The following MGRN1 variants were observed in gnomAD, a reference collection of about 807,000 sequenced individuals.
The protein encoded by MGRN1 is E3 ubiquitin-protein ligase MGRN1.
In MGRN1, 29 loss-of-function variants were observed where a neutral mutation model predicts 69.2. The ratio of observed to expected loss-of-function variants is 0.42; its 90% CI spans 0.31 to 0.57. The LOEUF (loss-of-function observed/expected upper bound fraction) is 0.57, where lower values mean the gene tolerates loss of function less well. Ranked by LOEUF, MGRN1 falls within the 20% of genes least tolerant of loss-of-function variation. The pLI, the probability that MGRN1 is intolerant of heterozygous loss-of-function variation, is 0.15. For synonymous variants in MGRN1, 470 were observed against 344.2 expected, an observed-to-expected ratio of 1.37 and a Z score of -4.04; for missense variants, 998 against 796.2, an observed-to-expected ratio of 1.25 and a Z score of -3.05.
At position 4,683,243 on chromosome 16, in the gene MGRN1, T is replaced by C; in HGVS notation, c.1502T>C (p.Val501Ala). The change falls in exon 15 of 17, where the codon GTT becomes GCT. Residue 501 changes from valine (V) to alanine (A), a missense_variant. Coordinates refer to ENST00000262370, the MANE Select transcript of MGRN1 (RefSeq NM_015246.4). The stretch of plus-strand genomic sequence containing the variant: ...TCCTAGAGTTTCATAACAGAAGAGG[T>C]TGATGAGTCGTCGTCACCACAGCAA... ...SSPESFITEE[V>A]DESSSPQQGT... is the part of the protein sequence containing the mutation. The C allele has an allele frequency of 6.2e-7, 1 of 1,613,706 alleles. No homozygotes were observed. Among genetic ancestry groups the C allele is most frequent in the Non-Finnish European group, 8.5e-7 (1 of 1,179,946 alleles).
intron 7 of MGRN1, among the ~76,000 whole-genome samples, chr16:4,667,141 G>A (rs1414166868): frequency 3.3e-5 from 5 of 152,322 alleles, no homozygotes; most frequent in East Asian, 1.9e-4. Flanking sequence ...CGGGCTTCAC[G>A]CTGCCTCTGG....
In MGRN1 at chr16:4,629,923, G is replaced by A. The variant is rs571315553; in HGVS notation, c.88+4875G>A. On this transcript the variant is annotated intron_variant, in intron 1 of 16. Transcript: ENST00000262370. Reference sequence around the variant, plus strand: ...GAGCTGGACGCAATGGCGCACGCCCGTAATCCCAGCTACTCAGGAGGCTGA... The same window carrying A: ...GAGCTGGACGCAATGGCGCACGCCCATAATCCCAGCTACTCAGGAGGCTGA... 2.6e-5 allele frequency among the ~76,000 whole-genome samples: 4 copies of A among 151,612 alleles called. No individual in the cohort carries two copies. The East Asian group carries it at 5.8e-4, about 22-fold the overall frequency.
intron 1 of MGRN1, among the ~76,000 whole-genome samples, chr16:4,627,583 G>C (rs58195453): frequency 0.024 from 3,566 of 147,224 alleles, 163 homozygotes; most frequent in African/African-American, 0.085. Context: ...GTCAGGAGAT[G>C]GAGACCATCC....
intron 16 of MGRN1, chr16:4,687,077 C>T (rs1596322407): frequency 1.0e-6 from 1 of 985,536 alleles, no homozygotes; most frequent in Non-Finnish European, 1.2e-6. Flanking sequence ...GGGCCTGGCA[C>T]ACAGTCCCTC....
intron 1 of MGRN1, among the ~76,000 whole-genome samples, chr16:4,637,721 G>A (rs1234140213): frequency 6.6e-6 from 1 of 152,232 alleles, no homozygotes; most frequent in Admixed American, 6.5e-5. Context: ...TCCGGCGTGT[G>A]TGAGGCCATC....
chr16:4,664,846 GT>G, intron 6 of MGRN1, 71 bp downstream of exon 6: 1 of 1,578,910 alleles, frequency 6.3e-7, no homozygotes, highest in Non-Finnish European at 8.7e-7. Context: ...TGAGGGAGGA[GT>G]GCTTGCAGCA....
At chr16:4,639,938 C>T (rs1273852958) in intron 1 of MGRN1, 7 of 152,382 alleles carry the variant, frequency 4.6e-5, no homozygotes, top group African/African-American at 1.4e-4. Flanking sequence ...CTCCACGCTC[C>T]GCGGCTCCGA....
rs749471802 is a variant in MGRN1 at position 4,680,022 on chromosome 16, A to G, written c.1066-10A>G. ...GGTAGTTGTAAAACATATGATTTTTATCTTGACAGTGTCCCTTTAAAAAAT... is the reference window on the plus strand; with the variant it reads ...GGTAGTTGTAAAACATATGATTTTTGTCTTGACAGTGTCCCTTTAAAAAAT... On this transcript the variant is annotated splice_polypyrimidine_tract_variant and intron_variant, in intron 11 of 16. Coordinates refer to ENST00000262370, the MANE Select transcript of MGRN1 (RefSeq NM_015246.4). 2 of 1,613,520 alleles carry G rather than the reference A, an allele frequency of 1.2e-6. No individual in the cohort carries two copies. The highest frequency in any genetic ancestry group is 1.7e-6 in the Non-Finnish European group (2 of 1,179,634).
chr16:4,636,515 C>T (rs1040802568), intron 1 of MGRN1, among the ~76,000 whole-genome samples: 7 of 152,082 alleles, frequency 4.6e-5, no homozygotes, highest in Middle Eastern at 3.4e-3. Flanking sequence ...TCTTTGGGTG[C>T]GTTTTTATGC....
chr16:4,682,881 G>A lies in MGRN1; in HGVS notation c.1417G>A (p.Asp473Asn), dbSNP rs2079220356. ...HEEDEEKLSE[D>N]VDAPPPLGGA... ...AGAGGATGAGGAGAAGCTCTCCGAGGACGTGGACGCCCCTCCCCCACTGGG... is the reference window on the plus strand; with the variant it reads ...AGAGGATGAGGAGAAGCTCTCCGAGAACGTGGACGCCCCTCCCCCACTGGG... Residue 473 changes from aspartate (D) to asparagine (N), a missense_variant, in exon 14 of 17, where the codon GAC (aspartate) becomes AAC (asparagine). Coordinates refer to ENST00000262370, the MANE Select transcript of MGRN1 (RefSeq NM_015246.4). The A allele has an allele frequency of 2.5e-6, 4 of 1,609,816 alleles. No homozygotes were observed. Among genetic ancestry groups the A allele is most frequent in the Non-Finnish European group, 8.5e-7 (1 of 1,177,160 alleles).
chr16:4,674,600 T>TC (rs1412642643), intron 10 of MGRN1, among the ~76,000 whole-genome samples: 3 of 139,224 alleles, frequency 2.2e-5, no homozygotes, highest in Non-Finnish European at 4.7e-5. Context: ...TCTTTTCTTT[T>TC]CTTTTTTTTT....
At chr16:4,671,566 C>G in intron 9 of MGRN1, 107 bp downstream of exon 9, 1 of 914,110 alleles carries the variant, frequency 1.1e-6, no homozygotes. Context: ...CCCTGGAGTC[C>G]TAGACCCGCT....
intron 5 of MGRN1, among the ~76,000 whole-genome samples, chr16:4,660,440 C>T (rs1055792802): frequency 3.9e-5 from 6 of 152,216 alleles, no homozygotes; most frequent in Non-Finnish European, 8.8e-5. Flanking sequence ...GTTTTTATTC[C>T]ACACCAGTAA....
intron 15 of MGRN1, among the ~76,000 whole-genome samples, chr16:4,683,626 G>GCT (rs1337130105): frequency 2.6e-5 from 4 of 152,162 alleles, no homozygotes; most frequent in African/African-American, 9.6e-5. Context: ...AAAGCCCCAT[G>GCT]CTGGGGGATG....
chr16:4,673,405 G>A, intron 9 of MGRN1, 93 bp from the exon 10 acceptor site: 2 of 1,494,594 alleles, frequency 1.3e-6, no homozygotes, highest in East Asian at 2.3e-5. Context: ...CCCCAGGGTA[G>A]GGTGGAGTGG....
At position 4,625,113 on chromosome 16, in the gene MGRN1, G is replaced by A. The variant is rs554076797; in HGVS notation, c.88+65G>A. 3.9e-5 allele frequency: 56 copies of A among 1,428,220 alleles called. No homozygotes were observed. The African/African-American group carries it at 6.9e-4, about 18-fold the overall frequency. 88.5% of individuals were successfully genotyped at this position (1,428,220 alleles called of 1,614,324 possible). ...CTGGAACGCGGACCCGGCGGGCGCG[G>A]GGGCGGGGACTCGGGGCGGGGCGCC... is the stretch of plus-strand genomic sequence containing the variant. On this transcript the variant is annotated intron_variant, in intron 1 of 16. Coordinates refer to ENST00000262370, the MANE Select transcript of MGRN1 (RefSeq NM_015246.4).
chr16:4,634,834 C>T (rs370671323), intron 1 of MGRN1: 1 of 152,252 alleles, frequency 6.6e-6, no homozygotes, highest in African/African-American at 2.4e-5. Context: ...GGACTTGGGT[C>T]CTCTCACGTG....
rs1172305478 is a variant in MGRN1, at chr16:4,681,544, C to T, written c.1132-6C>T. 1 of 1,611,298 alleles carries T rather than the reference C, an allele frequency of 6.2e-7. No individual in the cohort carries two copies. The highest frequency in any genetic ancestry group is 8.5e-7 in the Non-Finnish European group (1 of 1,178,686). ...ATGAGCCCCCTCACGCACCCTGTCCCTACAGAACTCTGACAGCGTCCCACC... is the reference window on the plus strand; with the variant it reads ...ATGAGCCCCCTCACGCACCCTGTCCTTACAGAACTCTGACAGCGTCCCACC... On this transcript the variant is annotated splice_region_variant and splice_polypyrimidine_tract_variant and intron_variant, in intron 12 of 16. Coordinates refer to ENST00000262370, the MANE Select transcript of MGRN1 (RefSeq NM_015246.4).
At chr16:4,667,390 C>A (rs981679815) in intron 7 of MGRN1, among the ~76,000 whole-genome samples, 9 of 152,200 alleles carry the variant, frequency 5.9e-5, no homozygotes, top group African/African-American at 2.2e-4. Context: ...GTGCCCTGGG[C>A]AGAGGGCAGC....
Sources: allele counts gnomAD v4.1 joint callset (sites outside exome capture counted in the v4.1 genomes callset), GRCh38; gene constraint gnomAD v4.1.1; transcripts MANE v1.5; gene names NCBI Gene and HGNC (gene_info 2026-07-23, HGNC 2026-07-21).